Variants in TONSL observed in about 807,000 individuals in gnomAD.
The protein encoded by TONSL is tonsoku like, DNA repair protein, also known as tonsoku-like protein.
A neutral mutation model predicts 147.1 loss-of-function variants in TONSL; 112 were observed. That is an observed-to-expected ratio of 0.76 (90% confidence interval 0.65 to 0.89). TONSL has a LOEUF of 0.89. Among genes scored for constraint, TONSL ranks in the 40% least tolerant of loss-of-function variants. The pLI is 0.00. For synonymous variants in TONSL, 868 were observed against 801.5 expected (o/e 1.08, Z -1.40); for missense variants, 1,883 against 1,864.6 (o/e 1.01, Z -0.18).
At chr8:144,444,047 C>G in intron 2 of TONSL, 23 bp from the exon 3 acceptor site, 1 of 1,501,374 alleles carries the variant, frequency 6.7e-7, no homozygotes, top group Non-Finnish European at 8.9e-7. Context: ...ACAGCACGGC[C>G]TGGCAGGCGT....
At chr8:144,443,768 G>A (rs927098088) in intron 3 of TONSL, 114 bp downstream of exon 3, 2 of 1,416,234 alleles carry the variant, frequency 1.4e-6, no homozygotes, top group Admixed American at 2.1e-5. Context: ...GGCTGCGTCA[G>A]GTCAGGTGTC....
chr8:144,444,364 G>T (rs1412864448), intron 1 of TONSL, 26 bp downstream of exon 1: 1 of 1,282,982 alleles, frequency 7.8e-7, no homozygotes, highest in African/African-American at 1.5e-5. Flanking sequence ...CGCGCCCCCG[G>T]AGGAAGGGGT....
In TONSL at chr8:144,429,278, G is replaced by C; in HGVS notation, c.4002C>G (p.Leu1334=). ...GTCTGCTGCACAGCTGCAGTTCCCG[G>C]AGCTGCGCGGCTATCTTGTCCCACA... ...LGLWDKIAAQ[L]RELQLCSRRL... Residue 1334 remains leucine (L), a synonymous_variant, in exon 26 of 26, where the codon CTC becomes CTG. Transcript: ENST00000409379. The C allele has an allele frequency of 1.3e-6, 2 of 1,516,122 alleles. No homozygotes were observed. Among genetic ancestry groups the C allele is most frequent in the East Asian group, 2.5e-5 (1 of 39,256 alleles). 93.9% of individuals were successfully genotyped at this position (1,516,122 alleles called of 1,614,324 possible). A position where few individuals can be genotyped will look rare whatever the true frequency, so the allele number is the denominator to read the frequency against.
chr8:144,437,156 C>T, intron 13 of TONSL, 57 bp from the exon 14 acceptor site: 2 of 1,555,180 alleles, frequency 1.3e-6, no homozygotes, highest in East Asian at 2.3e-5. Context: ...CTGGCCCCAG[C>T]CCCGTGAGCT....
rs1335783881 is a variant in TONSL at position 144,442,396 on chromosome 8, C to T, written c.595G>A (p.Glu199Lys). The change falls in exon 6 of 26, where the codon GAG (glutamate) becomes AAG (lysine). Residue 199 changes from glutamate (E) to lysine (K), a missense_variant. By Grantham distance (56) the Glu-to-Lys change is moderately conservative. Transcript: ENST00000409379. ...IFLAEQNHLY[E>K]DLFRARYNLG... Reference sequence around the variant, plus strand: ...TTGTAGCGGGCGCGGAATAGGTCCTCGTAAAGGTGGTTCTGCCTGCAGAGG... The same window carrying T: ...TTGTAGCGGGCGCGGAATAGGTCCTTGTAAAGGTGGTTCTGCCTGCAGAGG... 12 of 1,552,200 alleles carry T rather than the reference C, an allele frequency of 7.7e-6. No homozygotes were observed. Among genetic ancestry groups the T allele is most frequent in the Middle Eastern group, 1.7e-4 (1 of 5,832 alleles).
rs376930729 is a variant in TONSL at position 144,431,072 on chromosome 8, C to T, written c.3809+6G>A. The T allele has an allele frequency of 2.1e-5, 34 of 1,613,914 alleles. No individual in the cohort carries two copies. Among genetic ancestry groups the T allele is most frequent in the African/African-American group, 9.3e-5 (7 of 74,924 alleles). On this transcript the variant is annotated splice_donor_region_variant and intron_variant, in intron 24 of 25. Transcript: ENST00000409379. ...AGGTCAGCAGGCAGCAGGGAAAGGG[C>T]GTTACCTGCACAGGTCTCTAACAGC... is the stretch of plus-strand genomic sequence containing the variant.
Position 144,430,527 on chromosome 8 carries a change from G to C in TONSL, c.3820C>G (p.Leu1274Val), listed in dbSNP as rs781839742. Residue 1274 changes from leucine (L) to valine (V), a missense_variant, in exon 25 of 26, where the codon CTG (leucine) becomes GTG (valine). Transcript: ENST00000409379. ...AVRDLCRCLS[L>V]CPSLISLDLS... ...TCCAGTGAGATGAGTGAGGGGCACAGAGAGAGACATCTGAGATAACATGGG... is the reference window on the plus strand; with the variant it reads ...TCCAGTGAGATGAGTGAGGGGCACACAGAGAGACATCTGAGATAACATGGG... 1 of 1,611,114 alleles carries C rather than the reference G, an allele frequency of 6.2e-7. No homozygotes were observed. Among genetic ancestry groups the C allele is most frequent in the African/African-American group, 1.3e-5 (1 of 74,822 alleles).
At position 144,433,615 on chromosome 8, in the gene TONSL, G is replaced by C. The variant is rs781791529; in HGVS notation, c.3532C>G (p.Gln1178Glu). ...GFGPSFFLSHQTALGSAFQDA... is the reference protein window; with the variant it reads ...GFGPSFFLSHETALGSAFQDA... ...TGGAAAGCACTACCCAGTGCTGTCTGGTGGCTCAGAAAGAAGCTGGGGCCG... is the reference window on the plus strand; with the variant it reads ...TGGAAAGCACTACCCAGTGCTGTCTCGTGGCTCAGAAAGAAGCTGGGGCCG... Residue 1178 changes from glutamine (Q) to glutamate (E), a missense_variant, in exon 22 of 26, where the codon CAG (glutamine) becomes GAG (glutamate). Coordinates refer to ENST00000409379, the MANE Select transcript of TONSL (RefSeq NM_013432.5). 5 of 1,613,396 alleles carry C rather than the reference G, an allele frequency of 3.1e-6. No homozygotes were observed. The highest frequency in any genetic ancestry group is 3.3e-5 in the Admixed American group (2 of 59,990).
chr8:144,435,123 C>T lies in TONSL; in HGVS notation c.2900G>A (p.Arg967His), dbSNP rs1252823643. 8.2e-6 allele frequency: 13 copies of T among 1,585,042 alleles called. No homozygotes were observed. Among genetic ancestry groups the T allele is most frequent in the Non-Finnish European group, 1.1e-5 (13 of 1,166,378 alleles). Residue 967 changes from arginine to histidine, a missense_variant, in exon 19 of 26, where the codon CGC becomes CAC. Arg to His is a conservative substitution (Grantham distance 29, BLOSUM62 0). Coordinates refer to ENST00000409379, the MANE Select transcript of TONSL (RefSeq NM_013432.5). Reference sequence around the variant, plus strand: ...CAGCAGCCCGCAGGTCTGGTAGTAGCGCTGGGCCGCCTGCTCGGCCAGCCA... The same window carrying T: ...CAGCAGCCCGCAGGTCTGGTAGTAGTGCTGGGCCGCCTGCTCGGCCAGCCA... ...VAWLAEQAAQ[R>H]YYQTCGLLPR...
chr8:144,435,308 G>A (rs933798860), intron 18 of TONSL, 138 bp from the exon 19 acceptor site: 10 of 1,284,592 alleles, frequency 7.8e-6, no homozygotes, highest in Non-Finnish European at 9.4e-6. Context: ...TCCTCTCCCT[G>A]CAGCCCAGCA....
At chr8:144,431,703 T>C (rs1399482330) in intron 23 of TONSL, among the ~76,000 whole-genome samples, 2 of 151,510 alleles carry the variant, frequency 1.3e-5, no homozygotes, top group African/African-American at 2.4e-5. Flanking sequence ...TTAGTAGAGA[T>C]GGTGTTTCAC....
rs778778153 is a variant in TONSL at position 144,440,873 on chromosome 8, G to A, written c.1012-3C>T. 6.2e-7 allele frequency: 1 copy of A among 1,612,692 alleles called. No homozygotes were observed. Among genetic ancestry groups the A allele is most frequent in the Non-Finnish European group, 8.5e-7 (1 of 1,179,878 alleles). ...TCCAGCAGCTCAGCAAAACGCAGCT[G>A]GGGGCAGTGCCAGTGAGGCCAGGGG... On this transcript the variant is annotated splice_polypyrimidine_tract_variant and splice_region_variant and intron_variant, in intron 8 of 25. Coordinates refer to ENST00000409379, the MANE Select transcript of TONSL (RefSeq NM_013432.5).
Position 144,444,370 on chromosome 8 carries a change from G to C in TONSL, c.25+20C>G, listed in dbSNP as rs1256105504. On this transcript the variant is annotated intron_variant, in intron 1 of 25. Transcript: ENST00000409379. ...CCCAGCCTCCGCGCCCCCGGAGGAA[G>C]GGGTCCCCGAGGAACTTACGGCGAA... The C allele has an allele frequency of 1.1e-5, 14 of 1,282,858 alleles. No homozygotes were observed. Among genetic ancestry groups the C allele is most frequent in the East Asian group, 6.3e-5 (2 of 31,748 alleles). The allele number at this position is 1,282,858 out of a possible 1,614,324, so 79.5% of individuals were successfully genotyped here. A position where few individuals can be genotyped will look rare whatever the true frequency, so the allele number is the denominator to read the frequency against.
chr8:144,432,475 G>C lies in TONSL; in HGVS notation c.3560-15C>G, dbSNP rs782028741. ...GTGCTCAGCATCTGCACCGGGGCCA[G>C]AATCCGTCAGCCCCACGTGGCCACA... is the stretch of plus-strand genomic sequence containing the variant. On this transcript the variant is annotated splice_polypyrimidine_tract_variant and intron_variant, in intron 22 of 25. Transcript: ENST00000409379. 1 of 1,521,630 alleles carries C rather than the reference G, an allele frequency of 6.6e-7. No individual in the cohort carries two copies. The highest frequency in any genetic ancestry group is 8.8e-7 in the Non-Finnish European group (1 of 1,136,876). 94.3% of individuals were successfully genotyped at this position (1,521,630 alleles called of 1,614,324 possible).
In TONSL at chr8:144,436,013, C is replaced by A; in HGVS notation, c.2420G>T (p.Gly807Val). 1.3e-6 allele frequency: 2 copies of A among 1,552,884 alleles called. No individual in the cohort carries two copies. Among genetic ancestry groups the A allele is most frequent in the Non-Finnish European group, 1.7e-6 (2 of 1,152,444 alleles). Residue 807 changes from glycine to valine, a missense_variant, in exon 17 of 26, where the codon GGG becomes GTG. Coordinates refer to ENST00000409379, the MANE Select transcript of TONSL (RefSeq NM_013432.5). ...RGVGSAQSRLGPGPPRGHSKA... is the reference protein window; with the variant it reads ...RGVGSAQSRLVPGPPRGHSKA... ...GCTGTGGCCCCGCGGTGGGCCAGGC[C>A]CCAGCCGGCTCTGAGCACTGCCCAC... is the stretch of plus-strand genomic sequence containing the variant.
rs1230726006 is a variant in TONSL, at chr8:144,431,184, CG to C, written c.3736-34del. 3.7e-6 allele frequency: 6 copies of C among 1,609,694 alleles called. No individual in the cohort carries two copies. In the African/African-American group the frequency reaches 8.0e-5, roughly 22 times the overall value. ...TGAGCAGAGGCCCAAGGGGGCCAAACGGAGTGGCGCACCTGCCCTGCCTGCT... is the reference window on the plus strand; with the variant it reads ...TGAGCAGAGGCCCAAGGGGGCCAAACGAGTGGCGCACCTGCCCTGCCTGCT... On this transcript the variant is annotated intron_variant, in intron 23 of 25. Coordinates refer to ENST00000409379, the MANE Select transcript of TONSL (RefSeq NM_013432.5).
At chr8:144,442,847 ACATGGGGTTT>A in intron 4 of TONSL, 41 bp from the exon 5 acceptor site, 1 of 1,584,146 alleles carries the variant, frequency 6.3e-7, no homozygotes, top group Non-Finnish European at 8.6e-7. Context: ...CTTCCTCCCC[ACATGGGGTTT>A]CCAGCTTTGG....
rs1554878410 is a variant in TONSL, at chr8:144,430,503, C to T, written c.3844G>A (p.Asp1282Asn). The T allele has an allele frequency of 6.2e-7, 1 of 1,613,214 alleles. No individual in the cohort carries two copies. Among genetic ancestry groups the T allele is most frequent in the African/African-American group, 1.3e-5 (1 of 74,910 alleles). ...CTGATCTCAGGGTTGGCAGACAGATCCAGTGAGATGAGTGAGGGGCACAGA... is the reference window on the plus strand; with the variant it reads ...CTGATCTCAGGGTTGGCAGACAGATTCAGTGAGATGAGTGAGGGGCACAGA... ...LSLCPSLISL[D>N]LSANPEISCA... Residue 1282 changes from aspartate (D) to asparagine (N), a missense_variant, in exon 25 of 26, where the codon GAT becomes AAT. Coordinates refer to ENST00000409379, the MANE Select transcript of TONSL (RefSeq NM_013432.5).
chr8:144,440,007 C>CCGCT lies in TONSL; in HGVS notation c.1480+10_1480+13dup. 1 of 1,009,132 alleles carries CCGCT rather than the reference C, an allele frequency of 9.9e-7. No individual in the cohort carries two copies. The highest frequency in any genetic ancestry group is 1.3e-5 in the South Asian group (1 of 78,850). 62.5% of individuals were successfully genotyped at this position (1,009,132 alleles called of 1,614,324 possible). A position where few individuals can be genotyped will look rare whatever the true frequency, so the allele number is the denominator to read the frequency against. On this transcript the variant is annotated intron_variant, in intron 11 of 25. Transcript: ENST00000409379. ...AGCAGGCCCAGGGAAATGCAAGGTGCCGCTGGCCCTCACCGCCCTCTGAGA... is the reference window on the plus strand; with the variant it reads ...AGCAGGCCCAGGGAAATGCAAGGTGCCGCTCGCTGGCCCTCACCGCCCTCTGAGA...
Sources: allele counts gnomAD v4.1 joint callset (sites outside exome capture counted in the v4.1 genomes callset), GRCh38; gene constraint gnomAD v4.1.1; transcripts MANE v1.5; gene names NCBI Gene and HGNC (gene_info 2026-07-23, HGNC 2026-07-21).